Variants in HS3ST4 observed in about 807,000 individuals in gnomAD.
The protein encoded by HS3ST4 is heparan sulfate-glucosamine 3-sulfotransferase 4.
A neutral mutation model predicts 29.2 loss-of-function variants in HS3ST4; 17 were observed. That is an observed-to-expected ratio of 0.58 (90% CI 0.40 to 0.87). The LOEUF is 0.87. HS3ST4 is among the 40% of genes least tolerant of loss of function. The pLI, the probability that HS3ST4 is intolerant of heterozygous loss-of-function variation, is 0.00. For missense variants in HS3ST4, 627 were observed against 634.5 expected (o/e 0.99, Z 0.13); for synonymous variants, 314 against 285.7 (o/e 1.10, Z -1.00).
chr16:26,063,650 T>C (rs1413497151), intron 1 of HS3ST4, among the ~76,000 whole-genome samples: 1 of 152,024 alleles, frequency 6.6e-6, no homozygotes, highest in African/African-American at 2.4e-5. Flanking sequence ...GAGCTATGAT[T>C]GCACCACTGC....
chr16:25,835,797 T>C (rs1449471682), intron 1 of HS3ST4, among the ~76,000 whole-genome samples: 1 of 152,236 alleles, frequency 6.6e-6, no homozygotes, highest in Non-Finnish European at 1.5e-5. Context: ...TTCTCTCTTA[T>C]ACCAAAGGGT....
At chr16:25,993,194 G>A in intron 1 of HS3ST4, among the ~76,000 whole-genome samples, 1 of 152,166 alleles carries the variant, frequency 6.6e-6, no homozygotes, top group East Asian at 1.9e-4. Flanking sequence ...TTGCTGTCAT[G>A]GAATGCCATA....
chr16:26,007,941 C>T (rs909922462), intron 1 of HS3ST4, among the ~76,000 whole-genome samples: 9 of 150,108 alleles, frequency 6.0e-5, no homozygotes, highest in African/African-American at 1.2e-4. Context: ...AGCAGGAATT[C>T]GGTACATGCA....
chr16:25,938,143 C>G (rs1968535639), intron 1 of HS3ST4, among the ~76,000 whole-genome samples: 1 of 152,138 alleles, frequency 6.6e-6, no homozygotes, highest in Non-Finnish European at 1.5e-5. Flanking sequence ...TCCCCAAAGT[C>G]AAGCATAGCA....
intron 1 of HS3ST4, among the ~76,000 whole-genome samples, chr16:26,049,768 C>T (rs989727774): frequency 2.6e-5 from 4 of 152,168 alleles, no homozygotes; most frequent in African/African-American, 4.8e-5. Flanking sequence ...GGCTACAAAT[C>T]GGGCTTCTCA....
intron 1 of HS3ST4, among the ~76,000 whole-genome samples, chr16:25,973,908 A>T (rs963938163): frequency 2.6e-5 from 4 of 152,172 alleles, no homozygotes; most frequent in Non-Finnish European, 5.9e-5. Context: ...TATAGTGTCC[A>T]ATGTCTAAAT....
At chr16:25,828,883 C>G (rs1468450431) in intron 1 of HS3ST4, among the ~76,000 whole-genome samples, 1 of 152,070 alleles carries the variant, frequency 6.6e-6, no homozygotes, top group Non-Finnish European at 1.5e-5. Context: ...ATTAGTTTTC[C>G]CATCTTTATG....
intron 1 of HS3ST4, among the ~76,000 whole-genome samples, chr16:25,834,960 A>G (rs1291964669): frequency 1.3e-5 from 2 of 152,108 alleles, no homozygotes; most frequent in Admixed American, 1.3e-4. Flanking sequence ...AAAACCACAA[A>G]ACACAAAAAA....
intron 1 of HS3ST4, among the ~76,000 whole-genome samples, chr16:25,962,396 G>A (rs1246521901): frequency 5.3e-5 from 8 of 152,264 alleles, no homozygotes; most frequent in Non-Finnish European, 1.0e-4. Context: ...GCCATTCACT[G>A]GTATGACCTG....
chr16:26,114,733 A>T (rs1486302002), intron 1 of HS3ST4, among the ~76,000 whole-genome samples: 1 of 152,160 alleles, frequency 6.6e-6, no homozygotes, highest in Non-Finnish European at 1.5e-5. Flanking sequence ...GTACCATTAA[A>T]GGCTGGTGAA....
At chr16:26,011,022 T>C (rs1274320411) in intron 1 of HS3ST4, among the ~76,000 whole-genome samples, 1 of 152,178 alleles carries the variant, frequency 6.6e-6, no homozygotes, top group East Asian at 1.9e-4. Flanking sequence ...GTGTTCTGCC[T>C]ATACCTTAAG....
At chr16:25,797,057 G>A (rs1037598319) in intron 1 of HS3ST4, among the ~76,000 whole-genome samples, 5 of 152,172 alleles carry the variant, frequency 3.3e-5, no homozygotes, top group African/African-American at 1.2e-4. Context: ...TGTCCTCACT[G>A]TAGCCCTATA....
intron 1 of HS3ST4, among the ~76,000 whole-genome samples, chr16:25,918,289 G>A (rs1013312122): frequency 6.6e-6 from 1 of 152,122 alleles, no homozygotes; most frequent in Admixed American, 6.5e-5. Context: ...TTGTGGATGA[G>A]GACACTGACC....
chr16:25,870,426 G>A (rs2141658981), intron 1 of HS3ST4, among the ~76,000 whole-genome samples: 1 of 152,272 alleles, frequency 6.6e-6, no homozygotes. Flanking sequence ...TCACTAAGAA[G>A]TGACATCTGC....
chr16:25,878,764 T>C (rs1182106554), intron 1 of HS3ST4, among the ~76,000 whole-genome samples: 1 of 152,180 alleles, frequency 6.6e-6, no homozygotes, highest in African/African-American at 2.4e-5. Context: ...TGTAGCATAT[T>C]GCCTACAAGA....
At chr16:26,087,744 T>C (rs998394608) in intron 1 of HS3ST4, among the ~76,000 whole-genome samples, 8 of 152,178 alleles carry the variant, frequency 5.3e-5, no homozygotes, top group Admixed American at 2.6e-4. Flanking sequence ...AATCAAAAAA[T>C]TCAAAATCCA....
At chr16:25,977,046 A>G (rs901636997) in intron 1 of HS3ST4, among the ~76,000 whole-genome samples, 11 of 152,106 alleles carry the variant, frequency 7.2e-5, no homozygotes, top group African/African-American at 2.2e-4. Context: ...CCCTCACCCA[A>G]TGTCTTTCTT....
chr16:25,948,374 G>C (rs1182085309), intron 1 of HS3ST4, among the ~76,000 whole-genome samples: 2 of 152,024 alleles, frequency 1.3e-5, no homozygotes, highest in Non-Finnish European at 2.9e-5. Flanking sequence ...TGGATTTTAG[G>C]CTTCTGGATG....
intron 1 of HS3ST4, among the ~76,000 whole-genome samples, chr16:25,736,917 C>T (rs568446760): frequency 2.0e-5 from 3 of 152,060 alleles, no homozygotes; most frequent in Admixed American, 6.6e-5. Flanking sequence ...GGCGTGATCT[C>T]GGCTCACTGC....
Sources: allele counts gnomAD v4.1 joint callset (sites outside exome capture counted in the v4.1 genomes callset), GRCh38; gene constraint gnomAD v4.1.1; transcripts MANE v1.5; gene names NCBI Gene and HGNC (gene_info 2026-07-23, HGNC 2026-07-21).